FMO2: variants seen among roughly 807,000 people sequenced by gnomAD.
FMO2 encodes the protein flavin-containing monooxygenase 2.
In FMO2, 33 loss-of-function variants were observed where a neutral mutation model predicts 41.6. The observed-to-expected ratio is 0.79, with a 90% CI of 0.60 to 1.06. The LOEUF (loss-of-function observed/expected upper bound fraction) is 1.06, where lower values mean the gene tolerates loss of function less well. Ranked by LOEUF, FMO2 falls within the 50% of genes least tolerant of loss-of-function variation. The pLI is 0.00. For missense variants in FMO2, 619 were observed against 632.9 expected (o/e 0.98, Z 0.23); for synonymous variants, 214 against 219.6 (o/e 0.97, Z 0.23).
chr1:171,203,320 GTC>G (rs201573457), intron 5 of FMO2, among the ~76,000 whole-genome samples: 70 of 120,898 alleles, frequency 5.8e-4, no homozygotes, highest in African/African-American at 1.4e-3. Flanking sequence ...GCAAGACCCT[GTC>G]TCACACACAC....
chr1:171,194,373 C>CA (rs1658216986), intron 3 of FMO2, among the ~76,000 whole-genome samples: 1 of 152,142 alleles, frequency 6.6e-6, no homozygotes, highest in Non-Finnish European at 1.5e-5. Flanking sequence ...TCAAAATCAA[C>CA]AAAAAGCAAT....
In FMO2 at chr1:171,210,629, G is replaced by C. The variant is rs1481675100; in HGVS notation, c.*1484G>C. 1.3e-5 allele frequency: 2 copies of C among 152,218 alleles called. No homozygotes were observed. Among genetic ancestry groups the C allele is most frequent in the African/African-American group, 2.4e-5 (1 of 41,456 alleles). 9.4% of individuals were successfully genotyped at this position (152,218 alleles called of 1,614,324 possible). A position where few individuals can be genotyped will look rare whatever the true frequency, so the allele number is the denominator to read the frequency against. On this transcript the variant is annotated 3_prime_UTR_variant, in exon 9 of 9. Transcript: ENST00000209929. Reference sequence around the variant, plus strand: ...GTCCAAACCAAGCCCTTCCAAGAGAGAACAAAGGTCAGAGATGTTGAAGAT... The same window carrying C: ...GTCCAAACCAAGCCCTTCCAAGAGACAACAAAGGTCAGAGATGTTGAAGAT...
At chr1:171,199,536 A>G in intron 5 of FMO2, 48 bp downstream of exon 5, 2 of 1,540,424 alleles carry the variant, frequency 1.3e-6, no homozygotes, top group Admixed American at 1.9e-5. Context: ...GGAAGTGGGG[A>G]TGCCATACTG....
At chr1:171,189,533 A>C (rs906808478) in intron 2 of FMO2, among the ~76,000 whole-genome samples, 2 of 152,208 alleles carry the variant, frequency 1.3e-5, no homozygotes, top group African/African-American at 4.8e-5. Context: ...GGGAGACACC[A>C]GCCTAATGAA....
Position 171,212,601 on chromosome 1 carries a change from TAAAC to T in FMO2, c.*3460_*3463del, listed in dbSNP as rs1659025717. On this transcript the variant is annotated 3_prime_UTR_variant, in exon 9 of 9. Coordinates refer to ENST00000209929, the MANE Select transcript of FMO2 (RefSeq NM_001460.5). ...TCTTTACAGAAAAATAAAGATATTT[TAAAC>T]AAAATACTAGGGCCATGGTATGTAA... Among the ~76,000 whole-genome samples, 1 of 152,198 alleles carries T rather than the reference TAAAC, an allele frequency of 6.6e-6. No individual in the cohort carries two copies. Among genetic ancestry groups the T allele is most frequent in the Non-Finnish European group, 1.5e-5 (1 of 68,034 alleles).
chr1:171,198,708 G>A (rs1658399430), intron 4 of FMO2, among the ~76,000 whole-genome samples: 2 of 151,890 alleles, frequency 1.3e-5, no homozygotes, highest in Non-Finnish European at 2.9e-5. Context: ...ACCACACCTT[G>A]CCTAATATGT....
chr1:171,205,594 T>A lies in FMO2; in HGVS notation c.1143T>A (p.Thr381=), dbSNP rs766404159. ...LIQPLGSIFP[T]AELQARWVTR... is the part of the protein sequence containing the mutation. ...AGCCCCTAGGTTCCATTTTCCCAAC[T>A]GCTGAACTTCAAGCTCGTTGGGTGA... Residue 381 remains threonine, a synonymous_variant, in exon 7 of 9, where the codon ACT becomes ACA. Transcript: ENST00000209929. 8 of 1,612,778 alleles carry A rather than the reference T, an allele frequency of 5.0e-6. No individual in the cohort carries two copies. The highest frequency in any genetic ancestry group is 5.1e-6 in the Non-Finnish European group (6 of 1,179,490).
chr1:171,191,816 G>C (rs29001609), intron 2 of FMO2, among the ~76,000 whole-genome samples: 15,133 of 145,474 alleles, frequency 0.1, 1,412 homozygotes, highest in African/African-American at 0.26. Flanking sequence ...TTGAGCTCAG[G>C]AGTTTTAGAC....
At chr1:171,185,648 TA>T in intron 1 of FMO2, 59 bp from the exon 2 acceptor site, 1 of 1,571,386 alleles carries the variant, frequency 6.4e-7, no homozygotes, top group Non-Finnish European at 8.7e-7. Context: ...GAGCACATCA[TA>T]AGGATTCTCT....
At position 171,203,051 on chromosome 1, in the gene FMO2, T is replaced by C. The variant is rs1343096978; in HGVS notation, c.628-814T>C. ...AGTATAAGTTCAGAGTTTTTAACTT[T>C]TAAAATACATTACAAGCACTGTGTC... On this transcript the variant is annotated intron_variant, in intron 5 of 8. Transcript: ENST00000209929. Among the ~76,000 whole-genome samples, 3 of 152,088 alleles carry C rather than the reference T, an allele frequency of 2.0e-5. No homozygotes were observed. The East Asian group carries it at 5.8e-4, about 29-fold the overall frequency.
intron 2 of FMO2, among the ~76,000 whole-genome samples, chr1:171,187,323 C>T (rs929102003): frequency 3.3e-5 from 5 of 152,158 alleles, no homozygotes; most frequent in Admixed American, 2.6e-4. Flanking sequence ...AAATCAAACT[C>T]ATATCAGCAG....
chr1:171,187,122 A>G (rs1000865408), intron 2 of FMO2, among the ~76,000 whole-genome samples: 1 of 152,256 alleles, frequency 6.6e-6, no homozygotes, highest in African/African-American at 2.4e-5. Flanking sequence ...ACCACGGCCT[A>G]CGTGACTTCT....
At position 171,209,021 on chromosome 1, in the gene FMO2, TACTGAAGCC is replaced by T; in HGVS notation, c.1488_1496del (p.Pro498_Lys500del). On this transcript the variant is annotated inframe_deletion, in exon 9 of 9. Coordinates refer to ENST00000209929, the MANE Select transcript of FMO2 (RefSeq NM_001460.5). ...GCCATCTTCACCCAGAAACAAAGAATACTGAAGCCACTCAAGACTCGGGCCCTGAAGGAT... is the reference window on the plus strand; with the variant it reads ...GCCATCTTCACCCAGAAACAAAGAATACTCAAGACTCGGGCCCTGAAGGAT... The T allele has an allele frequency of 6.9e-7, 1 of 1,454,394 alleles. No homozygotes were observed. Among genetic ancestry groups the T allele is most frequent in the Non-Finnish European group, 9.5e-7 (1 of 1,054,722 alleles). 90.1% of individuals were successfully genotyped at this position (1,454,394 alleles called of 1,614,324 possible).
Position 171,207,712 on chromosome 1 carries a change from C to A in FMO2, c.1184-6C>A. 1 of 1,593,138 alleles carries A rather than the reference C, an allele frequency of 6.3e-7. No homozygotes were observed. The highest frequency in any genetic ancestry group is 8.6e-7 in the Non-Finnish European group (1 of 1,164,718). ...TTACTATTCAAACCAACCTTTTATTCCTTAGGCTTGTGTAGCCTGCCCTCA... is the reference window on the plus strand; with the variant it reads ...TTACTATTCAAACCAACCTTTTATTACTTAGGCTTGTGTAGCCTGCCCTCA... On this transcript the variant is annotated splice_region_variant and splice_polypyrimidine_tract_variant and intron_variant, in intron 7 of 8. Coordinates refer to ENST00000209929, the MANE Select transcript of FMO2 (RefSeq NM_001460.5).
chr1:171,200,173 G>A (rs1034763588), intron 5 of FMO2, among the ~76,000 whole-genome samples: 1 of 152,300 alleles, frequency 6.6e-6, no homozygotes, highest in Non-Finnish European at 1.5e-5. Flanking sequence ...TAAATAGATA[G>A]TAGGTCTCTC....
At chr1:171,208,659 T>A (rs1388749155) in intron 8 of FMO2, 135 bp from the exon 9 acceptor site, 2 of 797,294 alleles carry the variant, frequency 2.5e-6, no homozygotes, top group Non-Finnish European at 3.9e-6. Flanking sequence ...AAACTCAAAC[T>A]TTCCACCAGA....
At chr1:171,187,723 C>G (rs1383305588) in intron 2 of FMO2, among the ~76,000 whole-genome samples, 1 of 149,684 alleles carries the variant, frequency 6.7e-6, no homozygotes, top group Non-Finnish European at 1.5e-5. Context: ...TAATAAACAT[C>G]TCAAATGAAT....
At chr1:171,193,791 T>TTTTC (rs1553238038) in intron 3 of FMO2, among the ~76,000 whole-genome samples, 1 of 149,450 alleles carries the variant, frequency 6.7e-6, no homozygotes. Flanking sequence ...TTTTTTTTTT[T>TTTTC]CTCCCTGAGA....
chr1:171,199,148 CTAGG>C, intron 4 of FMO2, 194 bp from the exon 5 acceptor site: 1 of 443,452 alleles, frequency 2.3e-6, no homozygotes. Context: ...ATCAACCTGC[CTAGG>C]CCTCCCAAAG....
Sources: allele counts gnomAD v4.1 joint callset (sites outside exome capture counted in the v4.1 genomes callset), GRCh38; gene constraint gnomAD v4.1.1; transcripts MANE v1.5; gene names NCBI Gene and HGNC (gene_info 2026-07-23, HGNC 2026-07-21).